Variants in SPAG16 observed in about 807,000 individuals in gnomAD.
SPAG16 encodes sperm associated antigen 16.
In SPAG16, 86 loss-of-function variants were observed where a neutral mutation model predicts 80.4. That is an observed-to-expected ratio of 1.07 (90% CI 0.90 to 1.28). The LOEUF (loss-of-function observed/expected upper bound fraction) is 1.28, where lower values mean the gene tolerates loss of function less well. SPAG16 is among the 50% of genes most tolerant of loss of function. SPAG16 has a pLI of 0.00. For synonymous variants in SPAG16, 294 were observed against 265.9 expected, an observed-to-expected ratio of 1.11 and a Z score of -1.03; for missense variants, 870 against 765.3, an observed-to-expected ratio of 1.14 and a Z score of -1.61.
chr2:213,632,487 C>T (rs1041425854), intron 10 of SPAG16, among the ~76,000 whole-genome samples: 5 of 152,090 alleles, frequency 3.3e-5, no homozygotes, highest in Admixed American at 1.3e-4. Context: ...ATTGCTCTAG[C>T]TAGGACTTCC....
chr2:213,901,108 T>C (rs181757304), intron 11 of SPAG16, among the ~76,000 whole-genome samples: 31 of 152,274 alleles, frequency 2.0e-4, no homozygotes, highest in African/African-American at 7.5e-4. Context: ...ACATGTAAAA[T>C]AAGATAAAGC....
At chr2:213,668,729 A>T (rs1446850895) in intron 10 of SPAG16, among the ~76,000 whole-genome samples, 1 of 151,658 alleles carries the variant, frequency 6.6e-6, no homozygotes, top group Non-Finnish European at 1.5e-5. Flanking sequence ...GCTCACTGCA[A>T]CCTCCACCTC....
At chr2:213,929,251 C>T (rs965774067) in intron 11 of SPAG16, among the ~76,000 whole-genome samples, 1 of 151,814 alleles carries the variant, frequency 6.6e-6, no homozygotes, top group Non-Finnish European at 1.5e-5. Flanking sequence ...TGACCTCAGG[C>T]GATTCGCCTG....
At chr2:213,774,781 A>T (rs1472762760) in intron 10 of SPAG16, among the ~76,000 whole-genome samples, 1 of 152,214 alleles carries the variant, frequency 6.6e-6, no homozygotes, top group Non-Finnish European at 1.5e-5. Flanking sequence ...GTAGTGTGGC[A>T]GGCTGACTCA....
At chr2:213,756,680 T>A (rs573512270) in intron 10 of SPAG16, among the ~76,000 whole-genome samples, 72 of 152,296 alleles carry the variant, frequency 4.7e-4, no homozygotes, top group African/African-American at 1.7e-3. Flanking sequence ...ACCCCCTAAA[T>A]GGCTAATGTA....
chr2:213,690,444 G>C (rs185786357), intron 10 of SPAG16, among the ~76,000 whole-genome samples: 85 of 152,308 alleles, frequency 5.6e-4, no homozygotes, highest in African/African-American at 2.0e-3. Context: ...CTTTGATAAG[G>C]ATACCTAATC....
chr2:213,990,513 G>A (rs2046226708), intron 12 of SPAG16, among the ~76,000 whole-genome samples: 1 of 152,034 alleles, frequency 6.6e-6, no homozygotes, highest in Non-Finnish European at 1.5e-5. Context: ...TGACACAAAT[G>A]TATATTACAT....
chr2:213,874,380 G>T (rs1368863795), intron 11 of SPAG16, among the ~76,000 whole-genome samples: 1 of 151,924 alleles, frequency 6.6e-6, no homozygotes, highest in East Asian at 1.9e-4. Context: ...AAAATATTTT[G>T]TGCTTTTTCT....
At chr2:213,991,569 C>G (rs916612166) in intron 12 of SPAG16, among the ~76,000 whole-genome samples, 1 of 152,084 alleles carries the variant, frequency 6.6e-6, no homozygotes, top group Non-Finnish European at 1.5e-5. Context: ...CCTGGTGCTC[C>G]TGGACCCCCG....
intron 15 of SPAG16, among the ~76,000 whole-genome samples, chr2:214,185,199 T>C (rs1376631839): frequency 6.6e-6 from 1 of 151,974 alleles, no homozygotes; most frequent in Admixed American, 6.6e-5. Context: ...TAATCTAACA[T>C]AGACAATTCA....
intron 15 of SPAG16, among the ~76,000 whole-genome samples, chr2:214,409,473 A>G (rs1024316655): frequency 2.6e-5 from 4 of 152,156 alleles, no homozygotes; most frequent in African/African-American, 9.6e-5. Flanking sequence ...TAAAAAATAT[A>G]TGATACAAAA....
chr2:214,247,541 A>G (rs1041689402), intron 15 of SPAG16, among the ~76,000 whole-genome samples: 16 of 152,220 alleles, frequency 1.1e-4, no homozygotes, highest in Admixed American at 9.2e-4. Context: ...TGTGACTTTA[A>G]AAGCTAATCA....
intron 10 of SPAG16, among the ~76,000 whole-genome samples, chr2:213,591,650 A>G (rs1158442882): frequency 1.3e-5 from 2 of 152,156 alleles, no homozygotes; most frequent in Non-Finnish European, 2.9e-5. Context: ...TGGTGGGGAG[A>G]GAGATTGGGC....
intron 12 of SPAG16, among the ~76,000 whole-genome samples, chr2:214,000,294 G>C (rs2046732709): frequency 6.6e-6 from 1 of 152,132 alleles, no homozygotes; most frequent in African/African-American, 2.4e-5. Context: ...CACGAGTTCT[G>C]ACGGTTTTAT....
intron 15 of SPAG16, among the ~76,000 whole-genome samples, chr2:214,331,946 A>C (rs182152616): frequency 6.6e-6 from 1 of 152,352 alleles, no homozygotes; most frequent in Non-Finnish European, 1.5e-5. Flanking sequence ...GCCAGGATAG[A>C]AAGTGTCTAA....
chr2:213,553,775 C>G (rs2059332389), intron 10 of SPAG16, among the ~76,000 whole-genome samples: 1 of 152,166 alleles, frequency 6.6e-6, no homozygotes, highest in Non-Finnish European at 1.5e-5. Flanking sequence ...CAAGTCCTCT[C>G]TGTGGATGCC....
At chr2:213,823,092 C>G (rs1309421789) in intron 10 of SPAG16, among the ~76,000 whole-genome samples, 1 of 152,128 alleles carries the variant, frequency 6.6e-6, no homozygotes, top group Admixed American at 6.6e-5. Flanking sequence ...ATATACTCAG[C>G]AATGGGTTGC....
intron 13 of SPAG16, among the ~76,000 whole-genome samples, chr2:214,098,908 T>C (rs1316186653): frequency 6.7e-6 from 1 of 149,850 alleles, no homozygotes. Context: ...TATTGGTCAA[T>C]GAGACTTTTT....
chr2:214,064,104 G>GAATAATATA (rs2050415904), intron 13 of SPAG16, among the ~76,000 whole-genome samples: 1 of 152,114 alleles, frequency 6.6e-6, no homozygotes, highest in African/African-American at 2.4e-5. Flanking sequence ...TTGAATAATT[G>GAATAATATA]TGGAAACATA....
Sources: gnomAD v4.1 joint callset for allele counts (sites outside exome capture counted in the v4.1 genomes callset) on GRCh38, gnomAD v4.1.1 for gene constraint, MANE v1.5 for transcripts, NCBI Gene and HGNC (gene_info 2026-07-23, HGNC 2026-07-21) for gene names.